The following ACYP2 variants were observed in gnomAD, a reference collection of about 807,000 sequenced individuals.
ACYP2 encodes the protein acylphosphatase 2.
A neutral mutation model predicts 11.2 loss-of-function variants in ACYP2; 12 were observed. The observed-to-expected ratio is 1.08, with a 90% CI of 0.69 to 1.74. The LOEUF (loss-of-function observed/expected upper bound fraction) is 1.74. Ranked by LOEUF, ACYP2 falls within the 40% of genes most tolerant of loss-of-function variation. The pLI is 0.00. For synonymous variants in ACYP2, 43 were observed against 32.2 expected, an observed-to-expected ratio of 1.33 and a Z score of -1.13; for missense variants, 134 against 101.9, an observed-to-expected ratio of 1.31 and a Z score of -1.35.
chr2:54,224,100 G>A (rs937713959), intron 6 of ACYP2, among the ~76,000 whole-genome samples: 15 of 152,114 alleles, frequency 9.9e-5, no homozygotes, highest in African/African-American at 3.6e-4. Context: ...TGCATAAAGA[G>A]CATTTTATTT....
chr2:54,299,110 TC>T (rs1373026880), intron 6 of ACYP2, among the ~76,000 whole-genome samples: 1 of 152,184 alleles, frequency 6.6e-6, no homozygotes, highest in East Asian at 1.9e-4. Flanking sequence ...AGACAGGGAT[TC>T]AGTGAAAGTT....
intron 4 of ACYP2, among the ~76,000 whole-genome samples, chr2:54,082,095 C>T (rs1572710310): frequency 6.6e-6 from 1 of 152,168 alleles, no homozygotes; most frequent in Admixed American, 6.5e-5. Flanking sequence ...TGAATCCTAA[C>T]CCTGATCTGA....
chr2:54,011,297 C>T (rs747833362), intron 2 of ACYP2, among the ~76,000 whole-genome samples: 2 of 152,156 alleles, frequency 1.3e-5, no homozygotes, highest in Non-Finnish European at 2.9e-5. Context: ...GTTGCTGACA[C>T]ATCCCATTTA....
intron 2 of ACYP2, among the ~76,000 whole-genome samples, chr2:54,024,123 C>G (rs1357176859): frequency 6.6e-6 from 1 of 152,146 alleles, no homozygotes; most frequent in East Asian, 1.9e-4. Context: ...CCTGTAATCC[C>G]AGCACTTTGG....
At chr2:54,044,300 AAAG>A (rs369090087) in intron 2 of ACYP2, among the ~76,000 whole-genome samples, 35 of 152,324 alleles carry the variant, frequency 2.3e-4, no homozygotes, top group African/African-American at 8.2e-4. Context: ...AAGCTTTTCA[AAAG>A]AAGATCTACG....
chr2:54,226,075 T>G (rs918557572), intron 6 of ACYP2, among the ~76,000 whole-genome samples: 1 of 152,170 alleles, frequency 6.6e-6, no homozygotes, highest in Non-Finnish European at 1.5e-5. Flanking sequence ...TGTGAGAAAA[T>G]GAAGTCTTGT....
chr2:54,287,401 T>G (rs13407966), intron 6 of ACYP2, among the ~76,000 whole-genome samples: 18,623 of 151,932 alleles, frequency 0.12, 1,767 homozygotes, highest in African/African-American at 0.24. Context: ...GCAATTAAAT[T>G]TTACCATATG....
chr2:54,027,103 T>C (rs1173961886), intron 2 of ACYP2, among the ~76,000 whole-genome samples: 1 of 152,196 alleles, frequency 6.6e-6, no homozygotes, highest in African/African-American at 2.4e-5. Context: ...ACATATATCC[T>C]GTAGCCAGTT....
chr2:54,111,827 C>T (rs887551017), intron 4 of ACYP2, among the ~76,000 whole-genome samples: 8 of 152,260 alleles, frequency 5.3e-5, no homozygotes, highest in Middle Eastern at 6.8e-3. Flanking sequence ...TTTTGCTTGT[C>T]CTTAAAATCA....
At chr2:54,019,938 T>C (rs1431813164) in intron 2 of ACYP2, among the ~76,000 whole-genome samples, 1 of 151,912 alleles carries the variant, frequency 6.6e-6, no homozygotes, top group Non-Finnish European at 1.5e-5. Flanking sequence ...TGAATGATGC[T>C]TCTTTTTTGT....
At chr2:54,080,951 C>G (rs1677614628) in intron 4 of ACYP2, among the ~76,000 whole-genome samples, 1 of 152,144 alleles carries the variant, frequency 6.6e-6, no homozygotes, top group Admixed American at 6.6e-5. Flanking sequence ...CTTAAAAAAA[C>G]TTTCTTTTGG....
intron 6 of ACYP2, among the ~76,000 whole-genome samples, chr2:54,292,925 G>C (rs560218287): frequency 6.6e-6 from 1 of 152,134 alleles, no homozygotes; most frequent in Non-Finnish European, 1.5e-5. Context: ...TATTTTGTAA[G>C]TACCTAATTC....
At position 54,057,312 on chromosome 2, in the gene ACYP2, A is replaced by G. The variant is rs1676206371; in HGVS notation, c.229A>G (p.Asn77Asp). 3 of 398,092 alleles carry G rather than the reference A, an allele frequency of 7.5e-6. No homozygotes were observed. In the East Asian group the frequency reaches 1.1e-4, roughly 14 times the overall value. The allele number at this position is 398,092 out of a possible 1,614,324, so 24.7% of individuals were successfully genotyped here. A position where few individuals can be genotyped will look rare whatever the true frequency, so the allele number is the denominator to read the frequency against. ...TGTGAGTGAAGAACCATGGAAGGAG[A>G]ACATTTCTTGCTCATCAACTACTTT... Residue 77 changes from asparagine (N) to aspartate (D), a missense_variant, in exon 4 of 7, where the codon AAC becomes GAC. By Grantham distance (23) the Asn-to-Asp change is conservative. Transcript: ENST00000607452.
intron 6 of ACYP2, chr2:54,256,217 C>T: frequency 2.6e-6 from 4 of 1,524,770 alleles, no homozygotes; most frequent in Non-Finnish European, 2.6e-6. Context: ...CAACGTTCCT[C>T]ACACAAAATG....
rs1250413188 is a variant in ACYP2 at position 54,201,646 on chromosome 2, C to CTT, written c.404+62900_404+62901dup. 5.2e-3 allele frequency among the ~76,000 whole-genome samples: 389 copies of CTT among 75,038 alleles called. 6 individuals are homozygous for CTT. The highest frequency in any genetic ancestry group is 0.018 in the South Asian group (32 of 1,788). 49.2% of individuals were successfully genotyped at this position (75,038 alleles called of 152,430 possible). ...TTTGTTTCTTTCTTTCTCTTTCTTT[C>CTT]TTTCTTTCTTTCTTTCTTTCTTTCT... On this transcript the variant is annotated intron_variant, in intron 6 of 6. Transcript: ENST00000607452.
chr2:54,088,505 A>G (rs1678059668), intron 4 of ACYP2, among the ~76,000 whole-genome samples: 1 of 152,132 alleles, frequency 6.6e-6, no homozygotes, highest in African/African-American at 2.4e-5. Context: ...TGCCCTCTCC[A>G]TCTCCTCAGC....
At chr2:54,116,282 A>T (rs1679786642) in intron 4 of ACYP2, among the ~76,000 whole-genome samples, 1 of 152,136 alleles carries the variant, frequency 6.6e-6, no homozygotes. Context: ...CAAGTTTGTA[A>T]TGTCTGGCTT....
intron 4 of ACYP2, among the ~76,000 whole-genome samples, chr2:54,069,587 G>A (rs1046129739): frequency 3.3e-5 from 5 of 152,080 alleles, no homozygotes; most frequent in African/African-American, 9.7e-5. Flanking sequence ...GCATGAACCC[G>A]GGAGGCGGAG....
intron 2 of ACYP2, among the ~76,000 whole-genome samples, chr2:54,000,678 T>C (rs76341255): frequency 1.6e-3 from 243 of 152,328 alleles, no homozygotes; most frequent in African/African-American, 5.7e-3. Context: ...GCAACAGGTT[T>C]TTTTCATGAT....
Sources: gnomAD v4.1 joint callset for allele counts (sites outside exome capture counted in the v4.1 genomes callset) on GRCh38, gnomAD v4.1.1 for gene constraint, MANE v1.5 for transcripts, NCBI Gene and HGNC (gene_info 2026-07-23, HGNC 2026-07-21) for gene names.